SERPINF2: variants seen among roughly 807,000 people sequenced by gnomAD.
SERPINF2 encodes the protein serpin family F member 2, also known as alpha-2-antiplasmin.
A neutral mutation model predicts 45.0 loss-of-function variants in SERPINF2; 15 were observed. The observed-to-expected ratio is 0.33, with a 90% confidence interval of 0.22 to 0.51. SERPINF2 has a LOEUF of 0.51. Ranked by LOEUF, SERPINF2 falls within the 20% of genes least tolerant of loss-of-function variation. The probability of loss-of-function intolerance (pLI) is 0.97; values close to 1 mark genes in which losing one functional copy is unlikely to be tolerated. For missense variants in SERPINF2, 518 were observed against 637.4 expected (o/e 0.81, Z 2.02); for synonymous variants, 283 against 277.9 (o/e 1.02, Z -0.18).
chr17:1,753,847 C>A (rs1392218654), intron 9 of SERPINF2, among the ~76,000 whole-genome samples: 1 of 152,224 alleles, frequency 6.6e-6, no homozygotes, highest in Non-Finnish European at 1.5e-5. Flanking sequence ...CACATACTTA[C>A]TACAGCATAA....
At position 1,745,232 on chromosome 17, in the gene SERPINF2, C is replaced by A. The variant is rs768970078; in HGVS notation, c.102+19C>A. On this transcript the variant is annotated intron_variant, in intron 3 of 9. Transcript: ENST00000453066. The surrounding 1 kb of genome is among the most constrained non-coding windows in gnomAD (Gnocchi z 6.2). ...CCGGCAGGTACTGGGGAGTGAGGAG[C>A]CTGTGATGGGGGGAAGGTCCCGGGG... 6.3e-7 allele frequency: 1 copy of A among 1,575,564 alleles called. No homozygotes were observed. Among genetic ancestry groups the A allele is most frequent in the Non-Finnish European group, 8.6e-7 (1 of 1,161,846 alleles).
Position 1,754,478 on chromosome 17 carries a change from T to A in SERPINF2, c.1420T>A (p.Leu474Ile), listed in dbSNP as rs752842203. 2.2e-5 allele frequency: 35 copies of A among 1,609,104 alleles called. No individual in the cohort carries two copies. Among genetic ancestry groups the A allele is most frequent in the Non-Finnish European group, 3.0e-5 (35 of 1,177,922 alleles). The part of the protein sequence containing the change: ...PRGDKLFGPD[L>I]KLVPPMEEDY... ...CGGAGACAAGCTTTTCGGCCCTGAC[T>A]TAAAACTTGTGCCCCCCATGGAGGA... The change falls in exon 10 of 10, where the codon TTA becomes ATA. Residue 474 changes from leucine to isoleucine, a missense_variant. By Grantham distance (5) the Leu-to-Ile change is conservative (BLOSUM62 2). Transcript: ENST00000453066.
intron 8 of SERPINF2, among the ~76,000 whole-genome samples, chr17:1,752,094 C>T (rs1203912802): frequency 1.0e-5 from 1 of 97,566 alleles, no homozygotes; most frequent in East Asian, 6.3e-4. Context: ...TCCTGTCCCC[C>T]AGGCTGGAGT....
Position 1,754,872 on chromosome 17 carries a change from A to G in SERPINF2, c.*338A>G. 1 of 396,026 alleles carries G rather than the reference A, an allele frequency of 2.5e-6. No individual in the cohort carries two copies. Among genetic ancestry groups the G allele is most frequent in the Non-Finnish European group, 4.5e-6 (1 of 220,616 alleles). 24.5% of individuals were successfully genotyped at this position (396,026 alleles called of 1,614,324 possible). On this transcript the variant is annotated 3_prime_UTR_variant, in exon 10 of 10. Coordinates refer to ENST00000453066, the MANE Select transcript of SERPINF2 (RefSeq NM_000934.4). ...AGCTGGGACACCCCGACTTTTGTTT[A>G]CCAGAGAAAAAGGGAGGGGGAGAGG...
intron 7 of SERPINF2, 108 bp downstream of exon 7, chr17:1,747,620 A>G: frequency 7.9e-7 from 1 of 1,261,844 alleles, no homozygotes. Context: ...GGTGGAGCGC[A>G]GTGGCGCGAT....
chr17:1,746,670 A>C (rs991314131), intron 5 of SERPINF2, among the ~76,000 whole-genome samples: 1 of 151,778 alleles, frequency 6.6e-6, no homozygotes, highest in Non-Finnish European at 1.5e-5. Flanking sequence ...AAGGTGATCA[A>C]CCTGCCTCAG....
chr17:1,748,531 G>T, intron 7 of SERPINF2, 67 bp from the exon 8 acceptor site: 3 of 1,596,022 alleles, frequency 1.9e-6, no homozygotes, highest in Non-Finnish European at 2.6e-6. Context: ...CCCCATCGAC[G>T]TGACCCCTGC....
In SERPINF2 at chr17:1,745,781, A is replaced by C; in HGVS notation, c.239A>C (p.His80Pro). Reference sequence around the variant, plus strand: ...AGAGACCCCACCCCAGAGCAGACCCACAGGCTGGCCCGGGCCATGATGGCC... The same window carrying C: ...AGAGACCCCACCCCAGAGCAGACCCCCAGGCTGGCCCGGGCCATGATGGCC... The part of the protein sequence containing the change: ...CSRDPTPEQT[H>P]RLARAMMAFT... Residue 80 changes from histidine to proline, a missense_variant, in exon 5 of 10, where the codon CAC (histidine) becomes CCC (proline). Around this residue, in one of 2 missense-constraint regions of SERPINF2, gnomAD observed 435 missense variants for 577.3 expected, o/e 0.75. Coordinates refer to ENST00000453066, the MANE Select transcript of SERPINF2 (RefSeq NM_000934.4). The surrounding 1 kb of genome is among the most constrained non-coding windows in gnomAD (Gnocchi z 6.2). 1.2e-6 allele frequency: 2 copies of C among 1,613,966 alleles called. No homozygotes were observed. Among genetic ancestry groups the C allele is most frequent in the Non-Finnish European group, 1.7e-6 (2 of 1,180,004 alleles).
At chr17:1,747,535 T>G in intron 7 of SERPINF2, 23 bp downstream of exon 7, 1 of 1,609,842 alleles carries the variant, frequency 6.2e-7, no homozygotes, top group Non-Finnish European at 8.5e-7. Flanking sequence ...TCCTCTCAGA[T>G]CCCCCACCCT....
In SERPINF2 at chr17:1,745,841, C is replaced by A. The variant is rs778583716; in HGVS notation, c.299C>A (p.Thr100Lys). Residue 100 changes from threonine to lysine, a missense_variant, in exon 5 of 10, where the codon ACG becomes AAG. Coordinates refer to ENST00000453066, the MANE Select transcript of SERPINF2 (RefSeq NM_000934.4). The surrounding 1 kb of genome is among the most constrained non-coding windows in gnomAD (Gnocchi z 6.2). ...TADLFSLVAQ[T>K]STCPNLILSP... is the part of the protein sequence containing the mutation. ...GACCTGTTCTCCCTGGTGGCTCAAA[C>A]GTCCACCTGCCCCAACCTCATCCTG... The A allele has an allele frequency of 6.2e-7, 1 of 1,614,052 alleles. No individual in the cohort carries two copies. Among genetic ancestry groups the A allele is most frequent in the African/African-American group, 1.3e-5 (1 of 75,052 alleles).
intron 7 of SERPINF2, 91 bp downstream of exon 7, chr17:1,747,603 C>T: frequency 7.1e-7 from 1 of 1,411,394 alleles, no homozygotes; most frequent in Non-Finnish European, 9.8e-7. Flanking sequence ...CTCGCTCTGT[C>T]ACCCAGGGTG....
Position 1,747,175 on chromosome 17 carries a change from G to A in SERPINF2, c.511+13G>A. The A allele has an allele frequency of 6.2e-7, 1 of 1,612,032 alleles. No homozygotes were observed. Among genetic ancestry groups the A allele is most frequent in the Middle Eastern group, 1.7e-4 (1 of 6,050 alleles). The stretch of plus-strand genomic sequence containing the variant: ...TACCTGCAGAAAGGTAGGCGCTGAT[G>A]GCAGGGAGCTCCCTCAGTCCTGCCC... On this transcript the variant is annotated intron_variant, in intron 6 of 9. Transcript: ENST00000453066.
chr17:1,744,960 G>A (rs771450051), intron 1 of SERPINF2, 32 bp from the exon 2 acceptor site: 9 of 1,613,438 alleles, frequency 5.6e-6, no homozygotes, highest in Middle Eastern at 1.7e-4. Context: ...GGGGATGTGA[G>A]ATGGGAACAG....
In SERPINF2 at chr17:1,754,493, C is replaced by G. The variant is rs1421049706; in HGVS notation, c.1435C>G (p.Pro479Ala). Residue 479 changes from proline to alanine, a missense_variant, in exon 10 of 10, where the codon CCC (proline) becomes GCC (alanine). Physicochemically the swap from Pro to Ala is conservative, Grantham distance 27. This residue lies in a region of SERPINF2 where 83 missense variants were observed against 60.0 expected (regional missense o/e 1.38). Transcript: ENST00000453066. The part of the protein sequence containing the change: ...LFGPDLKLVP[P>A]MEEDYPQFGS... ...CGGCCCTGACTTAAAACTTGTGCCCCCCATGGAGGAGGATTACCCCCAGTT... is the reference window on the plus strand; with the variant it reads ...CGGCCCTGACTTAAAACTTGTGCCCGCCATGGAGGAGGATTACCCCCAGTT... The G allele has an allele frequency of 6.2e-7, 1 of 1,610,500 alleles. No homozygotes were observed. The highest frequency in any genetic ancestry group is 8.5e-7 in the Non-Finnish European group (1 of 1,178,632).
chr17:1,751,189 C>A (rs544339563), intron 8 of SERPINF2, among the ~76,000 whole-genome samples: 1 of 152,340 alleles, frequency 6.6e-6, no homozygotes, highest in East Asian at 1.9e-4. Flanking sequence ...TGGCTCACGC[C>A]TGTAATCCCA....
chr17:1,750,006 C>G (rs1906222312), intron 8 of SERPINF2, among the ~76,000 whole-genome samples: 1 of 150,838 alleles, frequency 6.6e-6, no homozygotes, highest in Admixed American at 6.6e-5. Context: ...CAGAGTCTTG[C>G]TCTGTCACCC....
In SERPINF2 at chr17:1,747,343, C is replaced by A. The variant is rs377667967; in HGVS notation, c.546C>A (p.Ser182=). The A allele has an allele frequency of 1.2e-6, 2 of 1,614,050 alleles. No individual in the cohort carries two copies. The highest frequency in any genetic ancestry group is 1.6e-4 in the Middle Eastern group (1 of 6,062). The change falls in exon 7 of 10, where the codon TCC becomes TCA. Residue 182 remains serine, a synonymous_variant. Coordinates refer to ENST00000453066, the MANE Select transcript of SERPINF2 (RefSeq NM_000934.4). ...FPIKEDFLEQ[S]EQLFGAKPVS... ...TCAAAGAAGATTTCCTGGAACAATC[C>A]GAACAGCTATTTGGGGCAAAGCCCG...
At position 1,745,571 on chromosome 17, in the gene SERPINF2, C is replaced by G; in HGVS notation, c.166-137C>G. 2 of 1,170,852 alleles carry G rather than the reference C, an allele frequency of 1.7e-6. No homozygotes were observed. Among genetic ancestry groups the G allele is most frequent in the Non-Finnish European group, 1.2e-6 (1 of 811,992 alleles). 72.5% of individuals were successfully genotyped at this position (1,170,852 alleles called of 1,614,324 possible). A position where few individuals can be genotyped will look rare whatever the true frequency, so the allele number is the denominator to read the frequency against. ...CGCCAGGCCCCAGAATGCCAGTGCC[C>G]TCCGTCTGACGCTCCCTCTTCCCTG... is the stretch of plus-strand genomic sequence containing the variant. On this transcript the variant is annotated intron_variant, in intron 4 of 9. Transcript: ENST00000453066. This position sits in a 1 kb window ranked among gnomAD's most constrained non-coding sequence, Gnocchi z 6.2.
At position 1,752,810 on chromosome 17, in the gene SERPINF2, C is replaced by T. The variant is rs555704303; in HGVS notation, c.1063+20C>T. 36 of 1,579,140 alleles carry T rather than the reference C, an allele frequency of 2.3e-5. No individual in the cohort carries two copies. The East Asian group carries it at 2.5e-4, about 11-fold the overall frequency. ...AGCTGGGTAAGGAGGAGGGTGCGGG[C>T]GAGCCCCCGAGGTCAGGCTGGGCAG... On this transcript the variant is annotated intron_variant, in intron 9 of 9. Transcript: ENST00000453066.
Sources: allele counts gnomAD v4.1 joint callset (sites outside exome capture counted in the v4.1 genomes callset), GRCh38; gene constraint gnomAD v4.1.1; regional missense constraint gnomAD v4.1.1; non-coding constraint Gnocchi (gnomAD v3.1); transcripts MANE v1.5; gene names NCBI Gene and HGNC (gene_info 2026-07-23, HGNC 2026-07-21).